KCNQ5: variants seen among roughly 807,000 people sequenced by gnomAD.
KCNQ5 encodes potassium voltage-gated channel subfamily Q member 5.
Under a neutral mutation model 98.2 loss-of-function variants are expected in KCNQ5, and 30 were observed. The ratio of observed to expected loss-of-function variants is 0.31; its 90% confidence interval spans 0.23 to 0.41. The LOEUF (loss-of-function observed/expected upper bound fraction) is 0.41, where lower values mean the gene tolerates loss of function less well. KCNQ5 is among the 10% of genes least tolerant of loss of function. The probability of loss-of-function intolerance (pLI) is 1.00; values close to 1 mark genes in which losing one functional copy is unlikely to be tolerated. For synonymous variants in KCNQ5, 458 were observed against 449.4 expected (o/e 1.02, Z -0.24); for missense variants, 835 against 1,182.5 (o/e 0.71, Z 4.31).
intron 1 of KCNQ5, among the ~76,000 whole-genome samples, chr6:72,975,295 GA>G (rs906809993): frequency 1.3e-5 from 2 of 151,314 alleles, no homozygotes; most frequent in African/African-American, 2.4e-5. Flanking sequence ...GCAGCAGCAA[GA>G]AAAAAAACAT....
At chr6:73,140,761 C>T (rs931272342) in intron 10 of KCNQ5, among the ~76,000 whole-genome samples, 3 of 152,220 alleles carry the variant, frequency 2.0e-5, no homozygotes, top group East Asian at 3.8e-4. Flanking sequence ...GATTCTAAAA[C>T]GCACTTTCAG....
rs181145196 is a variant in KCNQ5, at chr6:72,986,600, G to A, written c.399-17308G>A. 1,555 of 659,746 alleles carry A rather than the reference G, an allele frequency of 2.4e-3. 12 individuals are homozygous for A. The highest frequency in any genetic ancestry group is 8.2e-3 in the East Asian group (315 of 38,382). The allele number at this position is 659,746 out of a possible 1,614,324, so 40.9% of individuals were successfully genotyped here. A position where few individuals can be genotyped will look rare whatever the true frequency, so the allele number is the denominator to read the frequency against. On this transcript the variant is annotated intron_variant, in intron 1 of 13. Coordinates refer to ENST00000370398, the MANE Select transcript of KCNQ5 (RefSeq NM_019842.4). ...TGTCAGCACCCTTTGTGAGGAGCAC[G>A]TAGAACCTGACACCACGCTGCGTGC...
chr6:73,120,513 A>G lies in KCNQ5; in HGVS notation c.1156A>G (p.Lys386Glu). 1 of 1,612,422 alleles carries G rather than the reference A, an allele frequency of 6.2e-7. No homozygotes were observed. The highest frequency in any genetic ancestry group is 8.5e-7 in the Non-Finnish European group (1 of 1,178,892). ...CVWRSYAADE[K>E]SVSIATWKPH... ...TTGGCGTAGTTACGCAGCTGATGAG[A>G]AATCTGTTTCCATTGCAACCTGGAA... is the stretch of plus-strand genomic sequence containing the variant. The change falls in exon 8 of 14, where the codon AAA (lysine) becomes GAA (glutamate). Residue 386 changes from lysine (K) to glutamate (E), a missense_variant. Physicochemically the swap from Lys to Glu is moderately conservative, Grantham distance 56 (BLOSUM62 1). Coordinates refer to ENST00000370398, the MANE Select transcript of KCNQ5 (RefSeq NM_019842.4).
chr6:72,872,191 C>A (rs531453295), intron 1 of KCNQ5, among the ~76,000 whole-genome samples: 34 of 152,288 alleles, frequency 2.2e-4, no homozygotes, highest in African/African-American at 7.9e-4. Context: ...TAAAGAAGTG[C>A]TTTTAGCATG....
At chr6:72,817,670 G>C (rs1582348304) in intron 1 of KCNQ5, among the ~76,000 whole-genome samples, 1 of 152,094 alleles carries the variant, frequency 6.6e-6, no homozygotes, top group South Asian at 2.1e-4. Context: ...GAGGTGGGTG[G>C]ATCACTTGAG....
At chr6:73,150,432 G>A (rs903452654) in intron 10 of KCNQ5, among the ~76,000 whole-genome samples, 1 of 146,476 alleles carries the variant, frequency 6.8e-6, no homozygotes, top group Admixed American at 6.8e-5. Context: ...ACAACCCAGA[G>A]TAATATTAAT....
chr6:72,922,810 C>CTTTTTTTT (rs369263359), intron 1 of KCNQ5, among the ~76,000 whole-genome samples: 5 of 103,830 alleles, frequency 4.8e-5, no homozygotes, highest in Admixed American at 1.1e-4. Context: ...TTTTCTTTTT[C>CTTTTTTTT]TTTTTTTTTT....
intron 1 of KCNQ5, among the ~76,000 whole-genome samples, chr6:72,797,974 A>G (rs1209782482): frequency 6.6e-6 from 1 of 152,166 alleles, no homozygotes; most frequent in Non-Finnish European, 1.5e-5. Flanking sequence ...AAAAACAAAT[A>G]AATGTGAAAA....
At chr6:72,802,974 T>C (rs1774739244) in intron 1 of KCNQ5, among the ~76,000 whole-genome samples, 1 of 152,120 alleles carries the variant, frequency 6.6e-6, no homozygotes, top group Non-Finnish European at 1.5e-5. Context: ...TCCACAGCCC[T>C]ATCAACTCCT....
chr6:72,902,507 G>A (rs1017501921), intron 1 of KCNQ5, among the ~76,000 whole-genome samples: 8 of 152,068 alleles, frequency 5.3e-5, no homozygotes, highest in Non-Finnish European at 1.2e-4. Context: ...TTAAATTGAA[G>A]TATGTCCTGT....
chr6:72,914,424 A>G lies in KCNQ5; in HGVS notation c.399-89484A>G, dbSNP rs1780053543. On this transcript the variant is annotated intron_variant, in intron 1 of 13. Transcript: ENST00000370398. ...ATTTATTAAACTACCAGAAGGGAGT[A>G]CTTTAGGGAAGAAATAACAAAGCTC... is the stretch of plus-strand genomic sequence containing the variant. Among the ~76,000 whole-genome samples, 18 of 151,348 alleles carry G rather than the reference A, an allele frequency of 1.2e-4. No individual in the cohort carries two copies. The Admixed American group carries it at 1.2e-3, about 10-fold the overall frequency.
chr6:72,714,576 T>A (rs1325309440), intron 1 of KCNQ5, among the ~76,000 whole-genome samples: 7 of 152,226 alleles, frequency 4.6e-5, no homozygotes, highest in African/African-American at 1.7e-4. Context: ...CTTAATATTG[T>A]GTGGGTTACA....
chr6:73,068,212 C>T (rs1440060945), intron 3 of KCNQ5, among the ~76,000 whole-genome samples: 1 of 152,136 alleles, frequency 6.6e-6, no homozygotes, highest in African/African-American at 2.4e-5. Context: ...AGGAGAGACA[C>T]TTGAATCCTA....
At chr6:73,145,665 A>G (rs1776891973) in intron 10 of KCNQ5, among the ~76,000 whole-genome samples, 1 of 152,202 alleles carries the variant, frequency 6.6e-6, no homozygotes, top group Admixed American at 6.5e-5. Context: ...TGGGGTTAAC[A>G]TGTTGGCATT....
chr6:72,743,785 T>A (rs1771243912), intron 1 of KCNQ5, among the ~76,000 whole-genome samples: 1 of 152,220 alleles, frequency 6.6e-6, no homozygotes, highest in African/African-American at 2.4e-5. Flanking sequence ...TGCCTGTTTT[T>A]TGGAGTAGTA....
At chr6:72,974,662 T>A (rs1768071675) in intron 1 of KCNQ5, among the ~76,000 whole-genome samples, 1 of 152,184 alleles carries the variant, frequency 6.6e-6, no homozygotes, top group Non-Finnish European at 1.5e-5. Context: ...AACTGAGTTA[T>A]GTTTCTCTTT....
chr6:72,719,539 G>C (rs1170668016), intron 1 of KCNQ5, among the ~76,000 whole-genome samples: 1 of 152,200 alleles, frequency 6.6e-6, no homozygotes, highest in East Asian at 1.9e-4. Context: ...AAATGGCCAA[G>C]CCAAGCCAGG....
At chr6:73,022,202 TAGTG>T (rs1770638530) in intron 2 of KCNQ5, among the ~76,000 whole-genome samples, 1 of 152,148 alleles carries the variant, frequency 6.6e-6, no homozygotes, top group Admixed American at 6.5e-5. Flanking sequence ...AAAAAAAGAC[TAGTG>T]TCTTCAAACA....
chr6:73,051,160 A>G (rs1393078946), intron 3 of KCNQ5, among the ~76,000 whole-genome samples: 1 of 152,204 alleles, frequency 6.6e-6, no homozygotes, highest in Non-Finnish European at 1.5e-5. Context: ...TGCCAATGCA[A>G]ACATGTGCAT....
Sources: allele counts gnomAD v4.1 joint callset (sites outside exome capture counted in the v4.1 genomes callset), GRCh38; gene constraint gnomAD v4.1.1; transcripts MANE v1.5; gene names NCBI Gene and HGNC (gene_info 2026-07-23, HGNC 2026-07-21).